DTNA: variants seen among roughly 807,000 people sequenced by gnomAD.
The protein encoded by DTNA is dystrophin-related protein 3.
A neutral mutation model predicts 100.7 loss-of-function variants in DTNA; 43 were observed. The observed-to-expected ratio is 0.43, with a 90% CI of 0.33 to 0.55. The LOEUF (loss-of-function observed/expected upper bound fraction) is 0.55, where lower values mean the gene tolerates loss of function less well. DTNA is among the 20% of genes least tolerant of loss of function. The pLI is 0.04. For missense variants in DTNA, 798 were observed against 953.9 expected (o/e 0.84, Z 2.15); for synonymous variants, 349 against 347.9 (o/e 1.00, Z -0.04).
chr18:34,714,337 A>T (rs1458813859), intron 1 of DTNA, among the ~76,000 whole-genome samples: 1 of 147,740 alleles, frequency 6.8e-6, no homozygotes, highest in Non-Finnish European at 1.5e-5. Context: ...TACTCATCTG[A>T]CAAAGGGCTA....
intron 17 of DTNA, among the ~76,000 whole-genome samples, chr18:34,865,569 A>G (rs1603297913): frequency 2.6e-5 from 4 of 152,178 alleles, no homozygotes; most frequent in African/African-American, 9.7e-5. Context: ...TTGTTGATCT[A>G]TCTTGGGTAA....
chr18:34,562,275 A>G (rs1482626339), intron 1 of DTNA, among the ~76,000 whole-genome samples: 3 of 152,222 alleles, frequency 2.0e-5, no homozygotes, highest in Non-Finnish European at 4.4e-5. Flanking sequence ...CCCTGCCCCT[A>G]GTTTCACATT....
intron 1 of DTNA, among the ~76,000 whole-genome samples, chr18:34,508,241 G>A (rs908468787): frequency 2.6e-5 from 4 of 152,162 alleles, no homozygotes; most frequent in Non-Finnish European, 4.4e-5. Context: ...GTATTTGGAG[G>A]TGAGAGTGGG....
intron 1 of DTNA, among the ~76,000 whole-genome samples, chr18:34,573,826 G>A (rs559919493): frequency 4.0e-4 from 61 of 152,222 alleles, no homozygotes; most frequent in Admixed American, 1.5e-3. Flanking sequence ...CTAAAATTGC[G>A]TATCCTTTGA....
intron 1 of DTNA, among the ~76,000 whole-genome samples, chr18:34,723,076 A>C (rs2085733427): frequency 6.6e-6 from 1 of 152,200 alleles, no homozygotes; most frequent in South Asian, 2.1e-4. Context: ...TCCATGAAAG[A>C]AAAAGGACTT....
At chr18:34,810,559 A>T (rs1224172155) in intron 5 of DTNA, among the ~76,000 whole-genome samples, 1 of 150,770 alleles carries the variant, frequency 6.6e-6, no homozygotes, top group Admixed American at 6.6e-5. Flanking sequence ...GGTTGGGGGG[A>T]TAGGGAGAGG....
intron 1 of DTNA, among the ~76,000 whole-genome samples, chr18:34,704,539 TTC>T (rs1401579020): frequency 6.6e-6 from 1 of 152,218 alleles, no homozygotes; most frequent in African/African-American, 2.4e-5. Flanking sequence ...CCTAATTAAA[TTC>T]TCTGTCTACT....
chr18:34,823,264 T>A (rs558274966), intron 9 of DTNA, among the ~76,000 whole-genome samples: 180 of 152,314 alleles, frequency 1.2e-3, no homozygotes, highest in African/African-American at 4.1e-3. Context: ...AATGCTCTCT[T>A]AATCTGCTAT....
intron 21 of DTNA, among the ~76,000 whole-genome samples, chr18:34,883,222 A>G (rs1305001154): frequency 6.6e-6 from 1 of 151,952 alleles, no homozygotes; most frequent in Non-Finnish European, 1.5e-5. Flanking sequence ...GCCTGGTTGA[A>G]CCTGGGCCTC....
chr18:34,575,893 C>G (rs1225047295), intron 1 of DTNA, among the ~76,000 whole-genome samples: 3 of 152,274 alleles, frequency 2.0e-5, no homozygotes, highest in Non-Finnish European at 2.9e-5. Flanking sequence ...TATCTGTCTC[C>G]AGACAGCATT....
At chr18:34,652,995 G>T (rs2073824549) in intron 1 of DTNA, among the ~76,000 whole-genome samples, 1 of 152,038 alleles carries the variant, frequency 6.6e-6, no homozygotes, top group Non-Finnish European at 1.5e-5. Flanking sequence ...CCAGAACAAT[G>T]ACTTTGTTTC....
chr18:34,563,327 T>A (rs1357421004), intron 1 of DTNA, among the ~76,000 whole-genome samples: 2 of 152,316 alleles, frequency 1.3e-5, no homozygotes, highest in East Asian at 3.9e-4. Context: ...CCACCTTGGC[T>A]AGGAGAGAGA....
At chr18:34,510,788 A>G (rs552166381) in intron 1 of DTNA, among the ~76,000 whole-genome samples, 3 of 152,146 alleles carry the variant, frequency 2.0e-5, no homozygotes, top group African/African-American at 7.2e-5. Context: ...TAAGGCTAAT[A>G]GTAATGATAG....
chr18:34,533,092 T>C (rs1411396486), intron 1 of DTNA, among the ~76,000 whole-genome samples: 1 of 152,002 alleles, frequency 6.6e-6, no homozygotes, highest in Non-Finnish European at 1.5e-5. Flanking sequence ...AGAGTGGGGC[T>C]GGATGCAGTG....
At chr18:34,885,447 A>C (rs2096912864) in intron 22 of DTNA, among the ~76,000 whole-genome samples, 1 of 152,226 alleles carries the variant, frequency 6.6e-6, no homozygotes, top group South Asian at 2.1e-4. Flanking sequence ...AGAGATTAGC[A>C]CTGGACTGGC....
At chr18:34,811,385 A>C (rs1035656105) in intron 5 of DTNA, among the ~76,000 whole-genome samples, 2 of 152,198 alleles carry the variant, frequency 1.3e-5, no homozygotes, top group Non-Finnish European at 2.9e-5. Context: ...TTCCACCCAG[A>C]AAACTGTAAT....
chr18:34,797,286 CT>C (rs1322265660), intron 4 of DTNA, among the ~76,000 whole-genome samples: 6 of 152,088 alleles, frequency 3.9e-5, no homozygotes, highest in African/African-American at 1.4e-4. Context: ...CAGAGGTTAT[CT>C]TTTTTAAGGC....
intron 1 of DTNA, among the ~76,000 whole-genome samples, chr18:34,589,405 G>A (rs753143130): frequency 5.3e-5 from 8 of 152,008 alleles, no homozygotes; most frequent in South Asian, 2.1e-4. Flanking sequence ...TCAGGGGATC[G>A]AGACCATCCT....
At chr18:34,509,621 C>T (rs558942026) in intron 1 of DTNA, among the ~76,000 whole-genome samples, 2 of 152,078 alleles carry the variant, frequency 1.3e-5, no homozygotes, top group African/African-American at 2.4e-5. Flanking sequence ...AAAATTTGAT[C>T]AAAATATGAA....
Sources: allele counts gnomAD v4.1 joint callset (sites outside exome capture counted in the v4.1 genomes callset), GRCh38; gene constraint gnomAD v4.1.1; transcripts MANE v1.5; gene names NCBI Gene and HGNC (gene_info 2026-07-23, HGNC 2026-07-21).